The following CPNE4 variants were observed in gnomAD, a reference collection of about 807,000 sequenced individuals.
CPNE4 encodes the protein copine-4.
A neutral mutation model predicts 67.9 loss-of-function variants in CPNE4; 25 were observed. The observed-to-expected ratio is 0.37, with a 90% CI of 0.27 to 0.51. The LOEUF is 0.51. Ranked by LOEUF, CPNE4 falls within the 20% of genes least tolerant of loss-of-function variation. The pLI is 0.93. For synonymous variants in CPNE4, 242 were observed against 244.9 expected, an observed-to-expected ratio of 0.99 and a Z score of 0.11; for missense variants, 464 against 690.8, an observed-to-expected ratio of 0.67 and a Z score of 3.68.
At chr3:131,942,884 C>G (rs2071441354) in intron 1 of CPNE4, among the ~76,000 whole-genome samples, 1 of 152,110 alleles carries the variant, frequency 6.6e-6, no homozygotes, top group African/African-American at 2.4e-5. Flanking sequence ...AAAGTGCAGG[C>G]TCTCCAGTCC....
At chr3:131,834,990 T>C (rs1202152919) in intron 2 of CPNE4, among the ~76,000 whole-genome samples, 1 of 152,210 alleles carries the variant, frequency 6.6e-6, no homozygotes, top group East Asian at 1.9e-4. Context: ...AATAGAATGA[T>C]AGCTTCAAGT....
chr3:131,556,217 T>TA, intron 11 of CPNE4, among the ~76,000 whole-genome samples: 1 of 151,946 alleles, frequency 6.6e-6, no homozygotes, highest in South Asian at 2.1e-4. Flanking sequence ...CTACTAAAAA[T>TA]ACAAAAATTA....
At chr3:131,804,323 T>C (rs1440894510) in intron 2 of CPNE4, among the ~76,000 whole-genome samples, 1 of 152,116 alleles carries the variant, frequency 6.6e-6, no homozygotes, top group Non-Finnish European at 1.5e-5. Flanking sequence ...AATGTTAATG[T>C]CAAGCAGCTG....
intron 1 of CPNE4, among the ~76,000 whole-genome samples, chr3:132,003,427 C>T (rs919335387): frequency 2.6e-5 from 4 of 152,072 alleles, no homozygotes; most frequent in African/African-American, 9.7e-5. Flanking sequence ...GACCCCAGGA[C>T]CTTGCCTAGA....
intron 7 of CPNE4, among the ~76,000 whole-genome samples, chr3:131,596,621 CAAAAAAAA>C (rs58456346): frequency 0.045 from 1,494 of 32,918 alleles, 38 homozygotes; most frequent in African/African-American, 0.13. Flanking sequence ...GACTCCGTCT[CAAAAAAAA>C]AAAAAAAAAA....
At chr3:131,735,669 C>A (rs2082217392) in intron 2 of CPNE4, among the ~76,000 whole-genome samples, 1 of 152,232 alleles carries the variant, frequency 6.6e-6, no homozygotes, top group Non-Finnish European at 1.5e-5. Context: ...ATATACATCT[C>A]TATTACATGT....
chr3:131,798,377 C>T (rs1583215811), intron 2 of CPNE4, among the ~76,000 whole-genome samples: 3 of 152,162 alleles, frequency 2.0e-5, no homozygotes, highest in African/African-American at 4.8e-5. Flanking sequence ...CAGGGGCCTA[C>T]TCTGTTTCAT....
At chr3:131,826,412 G>T (rs1411409291) in intron 2 of CPNE4, among the ~76,000 whole-genome samples, 1 of 152,012 alleles carries the variant, frequency 6.6e-6, no homozygotes, top group Non-Finnish European at 1.5e-5. Context: ...TGCCCAGGCT[G>T]CTCTCAAACT....
At chr3:131,888,622 G>A (rs1290110998) in intron 2 of CPNE4, among the ~76,000 whole-genome samples, 1 of 152,146 alleles carries the variant, frequency 6.6e-6, no homozygotes, top group African/African-American at 2.4e-5. Context: ...CAAACAGTGG[G>A]GGACAACGTT....
chr3:131,733,337 G>A (rs897346003), intron 2 of CPNE4, among the ~76,000 whole-genome samples: 52 of 152,198 alleles, frequency 3.4e-4, no homozygotes, highest in Admixed American at 2.2e-3. Flanking sequence ...TGAGTGTCCA[G>A]CACAGTGTTT....
chr3:131,560,873 A>G (rs1227560374), intron 11 of CPNE4, among the ~76,000 whole-genome samples: 1 of 151,998 alleles, frequency 6.6e-6, no homozygotes, highest in East Asian at 1.9e-4. Flanking sequence ...GTATCGTCAC[A>G]TTTTAAGGCT....
chr3:131,658,707 G>T (rs2080044149), intron 7 of CPNE4, among the ~76,000 whole-genome samples: 1 of 152,144 alleles, frequency 6.6e-6, no homozygotes, highest in African/African-American at 2.4e-5. Flanking sequence ...GGGCCTATGG[G>T]ATTGTTCTGC....
intron 2 of CPNE4, among the ~76,000 whole-genome samples, chr3:131,778,750 G>A (rs1428958832): frequency 1.3e-5 from 2 of 151,970 alleles, no homozygotes; most frequent in African/African-American, 4.8e-5. Flanking sequence ...TACAGCCCAG[G>A]GGGATAGGCT....
intron 6 of CPNE4, among the ~76,000 whole-genome samples, chr3:131,680,375 A>G (rs185385360): frequency 3.0e-4 from 46 of 151,418 alleles, no homozygotes; most frequent in African/African-American, 1.1e-3. Flanking sequence ...AAAACCCATT[A>G]TTTTCAACTG....
chr3:131,749,535 TGAGA>T (rs887714695), intron 2 of CPNE4, among the ~76,000 whole-genome samples: 3 of 152,164 alleles, frequency 2.0e-5, no homozygotes, highest in Non-Finnish European at 4.4e-5. Flanking sequence ...TATCAATTGC[TGAGA>T]GAGGGGTGTA....
At chr3:131,622,039 A>AT (rs1466656985) in intron 7 of CPNE4, among the ~76,000 whole-genome samples, 2 of 149,560 alleles carry the variant, frequency 1.3e-5, no homozygotes, top group Non-Finnish European at 3.0e-5. Flanking sequence ...AAAAAAAAAA[A>AT]GAAAAGAAAA....
rs1328200749 is a variant in CPNE4 at position 131,856,554 on chromosome 3, G to A, written c.180+48710C>T. On this transcript the variant is annotated intron_variant, in intron 2 of 15. Transcript: ENST00000429747. ...TTTGCTGTTGTCTAGAAGATGGGAT[G>A]TTCACATCCAGTTTCTGCGCTAAGG... Among the ~76,000 whole-genome samples, 5 of 152,126 alleles carry A rather than the reference G, an allele frequency of 3.3e-5. No individual in the cohort carries two copies. The East Asian group carries it at 7.7e-4, about 23-fold the overall frequency.
At chr3:131,689,777 C>G (rs57003178) in intron 5 of CPNE4, among the ~76,000 whole-genome samples, 2 of 152,152 alleles carry the variant, frequency 1.3e-5, no homozygotes, top group Non-Finnish European at 2.9e-5. Context: ...CAAATTGTCT[C>G]TCTTTGCCGT....
intron 2 of CPNE4, among the ~76,000 whole-genome samples, chr3:131,742,082 T>C (rs528758999): frequency 1.4e-4 from 22 of 152,180 alleles, no homozygotes; most frequent in Non-Finnish European, 2.8e-4. Context: ...TTGACTGGGC[T>C]ACAAAGTGCC....
Sources: gnomAD v4.1 joint callset for allele counts (sites outside exome capture counted in the v4.1 genomes callset) on GRCh38, gnomAD v4.1.1 for gene constraint, MANE v1.5 for transcripts, NCBI Gene and HGNC (gene_info 2026-07-23, HGNC 2026-07-21) for gene names.